The following TAFA4 variants were observed in gnomAD, a reference collection of about 807,000 sequenced individuals.
TAFA4 encodes the protein TAFA chemokine like family member 4, also known as chemokine-like protein TAFA-4.
In TAFA4, 20 loss-of-function variants were observed where a neutral mutation model predicts 21.1. That is an observed-to-expected ratio of 0.95 (90% CI 0.67 to 1.38). TAFA4 has a LOEUF of 1.38. TAFA4 is among the 40% of genes most tolerant of loss of function. The pLI, the probability that TAFA4 is intolerant of heterozygous loss-of-function variation, is 0.00. For missense variants in TAFA4, 211 were observed against 180.9 expected, an observed-to-expected ratio of 1.17 and a Z score of -0.95; for synonymous variants, 71 against 67.4, an observed-to-expected ratio of 1.05 and a Z score of -0.26.
At chr3:68,880,550 T>G (rs1287425277) in intron 3 of TAFA4, among the ~76,000 whole-genome samples, 180 bp downstream of exon 3, 2 of 152,222 alleles carry the variant, frequency 1.3e-5, no homozygotes, top group African/African-American at 4.8e-5. Flanking sequence ...AAAAATATTT[T>G]TAAAGGACTC....
At chr3:68,819,435 T>C (rs536279504) in intron 3 of TAFA4, among the ~76,000 whole-genome samples, 52 of 152,286 alleles carry the variant, frequency 3.4e-4, no homozygotes, top group African/African-American at 1.2e-3. Context: ...CTTATCTTGT[T>C]TCTAATCTTA....
chr3:68,794,842 G>A lies in TAFA4; in HGVS notation c.131-41824C>T, dbSNP rs78807637. Among the ~76,000 whole-genome samples the A allele has an allele frequency of 8.6e-4, 130 of 151,568 alleles. No individual in the cohort carries two copies. The East Asian group carries it at 0.021, about 25-fold the overall frequency. On this transcript the variant is annotated intron_variant, in intron 3 of 5. Transcript: ENST00000295569. ...CCATCCTATTAATACCACTAATGCA[G>A]AGAGATAAGTCATAGGAATTGCTCC... is the stretch of plus-strand genomic sequence containing the variant.
intron 1 of TAFA4, among the ~76,000 whole-genome samples, chr3:68,887,893 A>G (rs1187427529): frequency 6.6e-6 from 1 of 152,122 alleles, no homozygotes; most frequent in Admixed American, 6.5e-5. Context: ...TTCCAGCTGT[A>G]TCAATCATTT....
chr3:68,791,806 C>G (rs966671830), intron 3 of TAFA4, among the ~76,000 whole-genome samples: 1 of 152,176 alleles, frequency 6.6e-6, no homozygotes, highest in South Asian at 2.1e-4. Flanking sequence ...CCCAGAGGAG[C>G]AGCAGCTTTT....
chr3:68,774,143 T>A (rs921506326), intron 3 of TAFA4, among the ~76,000 whole-genome samples: 9 of 152,096 alleles, frequency 5.9e-5, no homozygotes, highest in African/African-American at 2.2e-4. Flanking sequence ...GAGGTGGCAA[T>A]ACTTGGAAAG....
intron 3 of TAFA4, among the ~76,000 whole-genome samples, chr3:68,791,889 AAC>A (rs1178550668): frequency 6.6e-6 from 1 of 152,186 alleles, no homozygotes; most frequent in Non-Finnish European, 1.5e-5. Flanking sequence ...CAGAATCTAA[AAC>A]ACAGCACAGT....
rs75510325 is a variant in TAFA4 at position 68,764,536 on chromosome 3, G to A, written c.131-11518C>T. On this transcript the variant is annotated intron_variant, in intron 3 of 5. Transcript: ENST00000295569. The stretch of plus-strand genomic sequence containing the variant: ...GGAGTATCACAGTGGAAAAATAATT[G>A]AGCAAAACAAATCACTCGTGTTTCT... 9.7e-4 allele frequency among the ~76,000 whole-genome samples: 147 copies of A among 152,240 alleles called. No homozygotes were observed. The East Asian group carries it at 0.022, about 22-fold the overall frequency.
chr3:68,764,895 G>A (rs950384456), intron 3 of TAFA4, among the ~76,000 whole-genome samples: 1 of 152,108 alleles, frequency 6.6e-6, no homozygotes, highest in Non-Finnish European at 1.5e-5. Context: ...GACAAGCAGG[G>A]CACTGACACT....
chr3:68,882,438 T>G (rs2089629338), intron 2 of TAFA4, among the ~76,000 whole-genome samples: 1 of 152,146 alleles, frequency 6.6e-6, no homozygotes, highest in Non-Finnish European at 1.5e-5. Flanking sequence ...GGCTCACATT[T>G]CCACATGGGA....
chr3:68,743,559 G>A (rs908447937), intron 4 of TAFA4, among the ~76,000 whole-genome samples: 21 of 142,740 alleles, frequency 1.5e-4, no homozygotes, highest in African/African-American at 5.3e-4. Context: ...CTGGGTGACA[G>A]AGCAAGACTC....
intron 4 of TAFA4, among the ~76,000 whole-genome samples, chr3:68,748,256 G>T (rs1300678768): frequency 6.6e-6 from 1 of 152,162 alleles, no homozygotes; most frequent in Non-Finnish European, 1.5e-5. Context: ...AACTCCCAAA[G>T]TGTTTTGGCA....
chr3:68,902,650 G>A (rs2106986858), intron 1 of TAFA4, among the ~76,000 whole-genome samples: 1 of 152,290 alleles, frequency 6.6e-6, no homozygotes, highest in African/African-American at 2.4e-5. Flanking sequence ...TTACAGTCAT[G>A]AGCCACTGTG....
At chr3:68,751,356 A>G (rs116564496) in intron 4 of TAFA4, among the ~76,000 whole-genome samples, 2,137 of 152,098 alleles carry the variant, frequency 0.014, 51 homozygotes, top group African/African-American at 0.049. Flanking sequence ...GCGGAAGGAG[A>G]GGTGTGGCAC....
intron 1 of TAFA4, among the ~76,000 whole-genome samples, chr3:68,931,433 G>A (rs143606885): frequency 6.6e-6 from 1 of 152,266 alleles, no homozygotes; most frequent in East Asian, 1.9e-4. Flanking sequence ...AGAAGAAAAC[G>A]CACCAGCGGC....
chr3:68,904,573 A>C (rs1357483901), intron 1 of TAFA4, among the ~76,000 whole-genome samples: 22 of 152,192 alleles, frequency 1.4e-4, no homozygotes, highest in Admixed American at 1.4e-3. Flanking sequence ...TGAAATTATC[A>C]ATATGAATGG....
intron 3 of TAFA4, among the ~76,000 whole-genome samples, chr3:68,793,622 T>C (rs1023652619): frequency 2.0e-5 from 3 of 152,190 alleles, no homozygotes; most frequent in African/African-American, 4.8e-5. Context: ...CTGAACTTCA[T>C]GAAGAGTAAA....
At chr3:68,846,944 T>C (rs1263405792) in intron 3 of TAFA4, among the ~76,000 whole-genome samples, 2 of 152,054 alleles carry the variant, frequency 1.3e-5, no homozygotes, top group African/African-American at 2.4e-5. Context: ...CTGCATGAGA[T>C]GTCTGTCGAC....
intron 4 of TAFA4, among the ~76,000 whole-genome samples, chr3:68,744,519 G>A (rs966758291): frequency 1.3e-5 from 2 of 152,120 alleles, no homozygotes; most frequent in Non-Finnish European, 2.9e-5. Context: ...GAGAAATTGC[G>A]GAATAAATTC....
intron 3 of TAFA4, among the ~76,000 whole-genome samples, chr3:68,827,416 G>C (rs370491079): frequency 1.3e-5 from 2 of 152,072 alleles, no homozygotes; most frequent in Admixed American, 1.3e-4. Context: ...TGGGACTGTC[G>C]GGTCAAATGG....
Sources: allele counts gnomAD v4.1 joint callset (sites outside exome capture counted in the v4.1 genomes callset), GRCh38; gene constraint gnomAD v4.1.1; transcripts MANE v1.5; gene names NCBI Gene and HGNC (gene_info 2026-07-23, HGNC 2026-07-21).